Variants in VMP1 observed in about 807,000 individuals in gnomAD.
VMP1 encodes the protein vacuole membrane protein 1, also known as ectopic P-granules autophagy protein 3 homolog.
VMP1 carries 11 observed loss-of-function variants against 56.0 expected under a neutral mutation model. The observed-to-expected ratio is 0.20, with a 90% CI of 0.12 to 0.32. The LOEUF is 0.32. VMP1 is among the 10% of genes least tolerant of loss of function. VMP1 has a pLI of 1.00. For synonymous variants in VMP1, 149 were observed against 165.0 expected (o/e 0.90, Z 0.74); for missense variants, 296 against 490.3 (o/e 0.60, Z 3.74).
In VMP1 at chr17:59,789,808, T is replaced by C. The variant is rs111841981; in HGVS notation, c.714+15923T>C. On this transcript the variant is annotated intron_variant, in intron 7 of 11. Transcript: ENST00000262291. ...GTTCTTTCTCTTTCTTTTCTTTCTT[T>C]CTTCCTTCCTTCCTTTCTTTCTTTC... Among the ~76,000 whole-genome samples the C allele has an allele frequency of 6.0e-3, 905 of 150,634 alleles. 12 individuals are homozygous for C. The highest frequency in any genetic ancestry group is 0.02 in the African/African-American group (827 of 40,946).
intron 7 of VMP1, chr17:59,784,893 A>T (rs369862636): frequency 9.2e-5 from 14 of 152,122 alleles, no homozygotes; most frequent in East Asian, 3.8e-4. Context: ...TTATTTTTTT[A>T]GACTTGCAAA....
At chr17:59,787,620 G>C (rs965494372) in intron 7 of VMP1, among the ~76,000 whole-genome samples, 1 of 152,052 alleles carries the variant, frequency 6.6e-6, no homozygotes, top group African/African-American at 2.4e-5. Context: ...TCAGGAGTTT[G>C]AGACCAGCTT....
At chr17:59,800,843 A>T (rs2037613848) in intron 7 of VMP1, among the ~76,000 whole-genome samples, 1 of 152,060 alleles carries the variant, frequency 6.6e-6, no homozygotes, top group South Asian at 2.1e-4. Flanking sequence ...GCACGTTAGG[A>T]GCCTGAGGTG....
rs560787108 is a variant in VMP1 at position 59,747,197 on chromosome 17, GTCTA to G, written c.414+8251_414+8254del. On this transcript the variant is annotated intron_variant, in intron 5 of 11. Transcript: ENST00000262291. ...TTGTATTCATGCCTACCTAAAACCAGTCTACGCATGTAAGTAAAAAGAGCATTTC... is the reference window on the plus strand; with the variant it reads ...TTGTATTCATGCCTACCTAAAACCAGCGCATGTAAGTAAAAAGAGCATTTC... 1.8e-3 allele frequency among the ~76,000 whole-genome samples: 274 copies of G among 152,274 alleles called. 2 individuals carry two copies. Among genetic ancestry groups the G allele is most frequent in the Non-Finnish European group, 2.8e-3 (190 of 68,026 alleles).
rs370552832 is a variant in VMP1 at position 59,808,822 on chromosome 17, A to C, written c.741A>C (p.Ala247=). The C allele has an allele frequency of 3.1e-6, 5 of 1,614,112 alleles. No homozygotes were observed. The highest frequency in any genetic ancestry group is 3.4e-6 in the Non-Finnish European group (4 of 1,180,014). ...AQDFASRAKL[A]VQKLVQKVGF... ...ACTTTGCCTCCCGGGCCAAACTGGC[A>C]GTTCAAAAACTAGTACAGAAAGTTG... Residue 247 remains alanine, a synonymous_variant, in exon 8 of 12, where the codon GCA becomes GCC. Transcript: ENST00000262291.
At chr17:59,725,204 G>A (rs963455455) in intron 1 of VMP1, among the ~76,000 whole-genome samples, 1 of 152,046 alleles carries the variant, frequency 6.6e-6, no homozygotes, top group African/African-American at 2.4e-5. Flanking sequence ...TGGACCGTTG[G>A]TATATATTTG....
At chr17:59,742,792 G>C (rs1248351486) in intron 5 of VMP1, among the ~76,000 whole-genome samples, 1 of 152,152 alleles carries the variant, frequency 6.6e-6, no homozygotes, top group Non-Finnish European at 1.5e-5. Flanking sequence ...TCTACCTCCT[G>C]TTAGATCAGC....
At chr17:59,807,202 T>G (rs972145496) in intron 7 of VMP1, among the ~76,000 whole-genome samples, 2 of 150,030 alleles carry the variant, frequency 1.3e-5, no homozygotes, top group African/African-American at 4.9e-5. Context: ...TTTTTTTGTT[T>G]TTTTTTTTTT....
intron 9 of VMP1, among the ~76,000 whole-genome samples, chr17:59,817,506 C>T (rs2038286119): frequency 6.6e-6 from 1 of 151,748 alleles, no homozygotes; most frequent in Admixed American, 6.6e-5. Context: ...CACATGTCAC[C>T]ACCCCCAGCT....
Position 59,735,406 on chromosome 17 carries a change from C to T in VMP1, c.145C>T (p.Gln49Ter). The change falls in exon 3 of 12, where the codon CAG (glutamine) becomes TAG (stop). Residue 49 changes from glutamine to a stop codon, truncating the protein, a stop_gained. Transcript: ENST00000262291. LOFTEE classifies it high-confidence loss of function. Reference protein sequence around the residue: ...EERQNIVLWRQPLITLQYFSL... With the variant: ...EERQNIVLWR ...AAGGCAGAATATTGTCCTGTGGAGA[C>T]AGCCGCTCATTACCTTGCAGTATTT... 6.2e-7 allele frequency: 1 copy of T among 1,614,154 alleles called. No individual in the cohort carries two copies. Among genetic ancestry groups the T allele is most frequent in the Non-Finnish European group, 8.5e-7 (1 of 1,180,008 alleles).
Position 59,765,221 on chromosome 17 carries a change from C to T in VMP1, c.582+83C>T, listed in dbSNP as rs2036190027. ...GTACCTTATTGAAATGGAATCTAAA[C>T]ATATTCCTTGTCAGTAAATGATTCA... On this transcript the variant is annotated intron_variant, in intron 6 of 11. Coordinates refer to ENST00000262291, the MANE Select transcript of VMP1 (RefSeq NM_030938.5). 1.1e-5 allele frequency: 16 copies of T among 1,425,540 alleles called. No homozygotes were observed. In the South Asian group the frequency reaches 2.2e-4, roughly 19 times the overall value. The allele number at this position is 1,425,540 out of a possible 1,614,324, so 88.3% of individuals were successfully genotyped here.
chr17:59,780,846 C>A (rs866305908), intron 7 of VMP1, among the ~76,000 whole-genome samples: 1 of 152,128 alleles, frequency 6.6e-6, no homozygotes, highest in Non-Finnish European at 1.5e-5. Flanking sequence ...CCTGGGCCTC[C>A]CAGAGTGCTG....
intron 10 of VMP1, among the ~76,000 whole-genome samples, chr17:59,831,804 T>TG (rs2038816582): frequency 6.6e-6 from 1 of 151,422 alleles, no homozygotes; most frequent in Non-Finnish European, 1.5e-5. Flanking sequence ...TTCCTGAGTT[T>TG]TTTTTTTAAC....
At chr17:59,734,667 A>C (rs1386857495) in intron 2 of VMP1, among the ~76,000 whole-genome samples, 1 of 152,150 alleles carries the variant, frequency 6.6e-6, no homozygotes, top group Non-Finnish European at 1.5e-5. Context: ...CAAGAGTTGG[A>C]GTTTAAAGTG....
intron 7 of VMP1, among the ~76,000 whole-genome samples, chr17:59,806,732 A>AG (rs1181376721): frequency 6.6e-6 from 1 of 151,584 alleles, no homozygotes; most frequent in Admixed American, 6.6e-5. Flanking sequence ...AAAAAAAAAA[A>AG]TTAAATCTGA....
intron 5 of VMP1, among the ~76,000 whole-genome samples, chr17:59,747,707 G>C (rs2035479007): frequency 6.6e-6 from 1 of 151,218 alleles, no homozygotes; most frequent in Admixed American, 6.6e-5. Context: ...CACAGTGCCT[G>C]GCCAAGACCC....
chr17:59,719,940 G>C (rs985710228), intron 1 of VMP1, among the ~76,000 whole-genome samples: 1 of 152,170 alleles, frequency 6.6e-6, no homozygotes, highest in Non-Finnish European at 1.5e-5. Context: ...ATCTATATAA[G>C]TGTTCAAAAT....
chr17:59,767,650 C>T (rs961367003), intron 6 of VMP1, among the ~76,000 whole-genome samples: 1 of 152,174 alleles, frequency 6.6e-6, no homozygotes, highest in African/African-American at 2.4e-5. Context: ...GCTGTGATAA[C>T]TGCCTCCTCC....
chr17:59,784,863 T>G (rs983010631), intron 7 of VMP1: 1 of 152,296 alleles, frequency 6.6e-6, no homozygotes, highest in East Asian at 1.9e-4. Context: ...TTGCAAATTT[T>G]TTTACTTTTT....
Sources: gnomAD v4.1 joint callset for allele counts (sites outside exome capture counted in the v4.1 genomes callset) on GRCh38, gnomAD v4.1.1 for gene constraint, MANE v1.5 for transcripts, NCBI Gene and HGNC (gene_info 2026-07-23, HGNC 2026-07-21) for gene names.